TTC27: variants seen among roughly 807,000 people sequenced by gnomAD.
The protein encoded by TTC27 is tetratricopeptide repeat protein 27.
TTC27 carries 79 observed loss-of-function variants against 115.9 expected under a neutral mutation model. The ratio of observed to expected loss-of-function variants is 0.68; its 90% CI spans 0.57 to 0.82. TTC27 has a LOEUF of 0.82. TTC27 is among the 40% of genes least tolerant of loss of function. TTC27 has a pLI of 0.00. For missense variants in TTC27, 1,054 were observed against 993.1 expected, an observed-to-expected ratio of 1.06 and a Z score of -0.82; for synonymous variants, 401 against 356.0, an observed-to-expected ratio of 1.13 and a Z score of -1.42.
intron 10 of TTC27, among the ~76,000 whole-genome samples, chr2:32,717,148 TA>T (rs888355872): frequency 5.3e-5 from 8 of 152,024 alleles, no homozygotes; most frequent in Admixed American, 3.3e-4. Flanking sequence ...TAATTTGTAA[TA>T]TTTTTTTTGA....
intron 12 of TTC27, among the ~76,000 whole-genome samples, chr2:32,741,437 A>G (rs1451109505): frequency 6.6e-6 from 1 of 151,636 alleles, no homozygotes; most frequent in East Asian, 1.9e-4. Context: ...AGGTCAAGAG[A>G]TGGAGGCCAT....
At chr2:32,721,620 C>CTT (rs58839860) in intron 10 of TTC27, among the ~76,000 whole-genome samples, 104 of 137,320 alleles carry the variant, frequency 7.6e-4, no homozygotes, top group Middle Eastern at 3.9e-3. Flanking sequence ...CTCTCTCTCT[C>CTT]TTTTTTTTTT....
intron 16 of TTC27, among the ~76,000 whole-genome samples, chr2:32,794,139 A>G (rs543486801): frequency 1.6e-4 from 24 of 152,336 alleles, no homozygotes; most frequent in African/African-American, 5.3e-4. Flanking sequence ...CTACCCAACA[A>G]CAGCATACGT....
At chr2:32,748,561 T>C (rs1436312692) in intron 12 of TTC27, among the ~76,000 whole-genome samples, 1 of 152,224 alleles carries the variant, frequency 6.6e-6, no homozygotes, top group African/African-American at 2.4e-5. Context: ...TATTTTTCTC[T>C]TTAGTTCTTT....
intron 3 of TTC27, among the ~76,000 whole-genome samples, chr2:32,637,018 T>G (rs1664454577): frequency 6.6e-6 from 1 of 152,220 alleles, no homozygotes; most frequent in Non-Finnish European, 1.5e-5. Context: ...GTAGGAAACT[T>G]TGACTAAGTC....
chr2:32,772,342 G>T (rs1350577469), intron 13 of TTC27, among the ~76,000 whole-genome samples: 1 of 152,070 alleles, frequency 6.6e-6, no homozygotes, highest in Non-Finnish European at 1.5e-5. Context: ...GATTTCTAAG[G>T]TCTCTAATTG....
intron 13 of TTC27, among the ~76,000 whole-genome samples, chr2:32,773,890 G>A (rs909154298): frequency 6.6e-6 from 1 of 152,200 alleles, no homozygotes; most frequent in Non-Finnish European, 1.5e-5. Flanking sequence ...CTATGTCAGT[G>A]TTTTAGAGAA....
In TTC27 at chr2:32,636,281, T is replaced by C. The variant is rs893053041; in HGVS notation, c.396+2276T>C. On this transcript the variant is annotated intron_variant, in intron 3 of 19. Transcript: ENST00000317907. The stretch of plus-strand genomic sequence containing the variant: ...CAGGCTGGAGTGCAGTGGTGCGATC[T>C]CGGCTCACTGCAGTCTCTGCCTCCC... Among the ~76,000 whole-genome samples, 20 of 152,308 alleles carry C rather than the reference T, an allele frequency of 1.3e-4. No individual in the cohort carries two copies. The East Asian group carries it at 3.9e-3, about 29-fold the overall frequency.
intron 9 of TTC27, among the ~76,000 whole-genome samples, chr2:32,687,448 C>G (rs187317998): frequency 6.6e-6 from 1 of 152,134 alleles, no homozygotes; most frequent in East Asian, 1.9e-4. Flanking sequence ...TATATTTAAA[C>G]CAAGCCTTAT....
At chr2:32,787,920 T>A (rs1187941528) in intron 16 of TTC27, among the ~76,000 whole-genome samples, 1 of 152,188 alleles carries the variant, frequency 6.6e-6, no homozygotes, top group Non-Finnish European at 1.5e-5. Context: ...GTGAATCTGT[T>A]TGCACAGTCC....
chr2:32,736,932 A>G, intron 12 of TTC27, 116 bp downstream of exon 12: 2 of 1,363,168 alleles, frequency 1.5e-6, no homozygotes, highest in African/African-American at 1.5e-5. Flanking sequence ...TCCTTTTTTC[A>G]CTTTTTTTCC....
intron 9 of TTC27, among the ~76,000 whole-genome samples, chr2:32,683,961 C>G (rs909902723): frequency 6.6e-6 from 1 of 151,996 alleles, no homozygotes; most frequent in Non-Finnish European, 1.5e-5. Context: ...TGTGACCCGC[C>G]TGGCCAACAT....
chr2:32,661,403 A>T (rs900607324), intron 5 of TTC27, among the ~76,000 whole-genome samples: 2 of 152,192 alleles, frequency 1.3e-5, no homozygotes, highest in African/African-American at 4.8e-5. Context: ...ATCCATGAGC[A>T]TGGAATGTTT....
chr2:32,812,701 C>A, intron 18 of TTC27, 86 bp downstream of exon 18: 2 of 978,958 alleles, frequency 2.0e-6, no homozygotes, highest in East Asian at 2.5e-5. Flanking sequence ...AGTAAAGTTC[C>A]ATTATAAATA....
intron 5 of TTC27, among the ~76,000 whole-genome samples, chr2:32,655,396 C>G (rs949095198): frequency 6.6e-6 from 1 of 152,086 alleles, no homozygotes; most frequent in East Asian, 1.9e-4. Flanking sequence ...ATCTTCTCAC[C>G]TCGGCCTCCC....
intron 13 of TTC27, among the ~76,000 whole-genome samples, chr2:32,775,592 G>C (rs1669970565): frequency 6.6e-6 from 1 of 152,030 alleles, no homozygotes; most frequent in South Asian, 2.1e-4. Flanking sequence ...AGGACCTTGA[G>C]GTCAGTTCTC....
chr2:32,759,071 A>G (rs963786398), intron 13 of TTC27, among the ~76,000 whole-genome samples: 2 of 152,228 alleles, frequency 1.3e-5, no homozygotes, highest in Non-Finnish European at 2.9e-5. Context: ...TGATAAATCC[A>G]TAGGAGTGGA....
At chr2:32,808,021 C>T (rs1220038993) in intron 16 of TTC27, among the ~76,000 whole-genome samples, 3 of 151,400 alleles carry the variant, frequency 2.0e-5, no homozygotes, top group South Asian at 2.1e-4. Context: ...GCAACCTCCC[C>T]TCCTGGGTTC....
At chr2:32,798,431 C>T (rs1288445710) in intron 16 of TTC27, among the ~76,000 whole-genome samples, 7 of 147,064 alleles carry the variant, frequency 4.8e-5, no homozygotes, top group African/African-American at 7.6e-5. Flanking sequence ...TGGCTGGGCG[C>T]GGTGGCTCAC....
Sources: gnomAD v4.1 joint callset for allele counts (sites outside exome capture counted in the v4.1 genomes callset) on GRCh38, gnomAD v4.1.1 for gene constraint, MANE v1.5 for transcripts, NCBI Gene and HGNC (gene_info 2026-07-23, HGNC 2026-07-21) for gene names.